DPP10: variants seen among roughly 807,000 people sequenced by gnomAD.
DPP10 encodes the protein inactive dipeptidyl peptidase 10.
In DPP10, 33 loss-of-function variants were observed where a neutral mutation model predicts 120.9. That is an observed-to-expected ratio of 0.27 (90% CI 0.21 to 0.37). The LOEUF (loss-of-function observed/expected upper bound fraction) is 0.37, where lower values mean the gene tolerates loss of function less well. DPP10 is among the 10% of genes least tolerant of loss of function. The pLI, the probability that DPP10 is intolerant of heterozygous loss-of-function variation, is 1.00. For synonymous variants in DPP10, 337 were observed against 326.1 expected, an observed-to-expected ratio of 1.03 and a Z score of -0.36; for missense variants, 816 against 942.8, an observed-to-expected ratio of 0.87 and a Z score of 1.76.
At chr2:114,512,464 T>A (rs780264196) in intron 1 of DPP10, among the ~76,000 whole-genome samples, 3 of 152,160 alleles carry the variant, frequency 2.0e-5, no homozygotes, top group Non-Finnish European at 2.9e-5. Context: ...TTAGAGAGCC[T>A]AGTGTGGTTC....
chr2:114,942,362 CAT>C (rs1194523098), intron 1 of DPP10, among the ~76,000 whole-genome samples: 2 of 91,228 alleles, frequency 2.2e-5, no homozygotes, highest in Middle Eastern at 5.2e-3. Flanking sequence ...TATATATATA[CAT>C]ATATATACAC....
chr2:115,219,305 C>T (rs2057009961), intron 1 of DPP10, among the ~76,000 whole-genome samples: 1 of 152,042 alleles, frequency 6.6e-6, no homozygotes, highest in Admixed American at 6.6e-5. Flanking sequence ...ATTTATTTCC[C>T]TGCTATTCAT....
intron 1 of DPP10, among the ~76,000 whole-genome samples, chr2:115,293,013 C>T (rs1264886252): frequency 6.6e-6 from 1 of 152,004 alleles, no homozygotes; most frequent in Non-Finnish European, 1.5e-5. Context: ...AGCCCTGGCA[C>T]TCAGGTTTGG....
intron 3 of DPP10, among the ~76,000 whole-genome samples, chr2:115,387,908 G>GA (rs954341790): frequency 5.3e-5 from 8 of 151,958 alleles, no homozygotes; most frequent in African/African-American, 1.2e-4. Flanking sequence ...TGTAAACAGA[G>GA]AAAAAAAAGT....
chr2:114,624,855 A>G (rs999545860), intron 1 of DPP10, among the ~76,000 whole-genome samples: 1 of 151,946 alleles, frequency 6.6e-6, no homozygotes, highest in South Asian at 2.1e-4. Flanking sequence ...TTCAACAGCC[A>G]TCAACTCACA....
intron 1 of DPP10, among the ~76,000 whole-genome samples, chr2:114,653,270 A>G (rs544812110): frequency 1.3e-5 from 2 of 152,254 alleles, no homozygotes; most frequent in East Asian, 3.9e-4. Context: ...AGAAGGCCAC[A>G]TGATGCTGGA....
rs1701866991 is a variant in DPP10 at position 115,006,658 on chromosome 2, G to T, written c.61-302581G>T. 3.3e-5 allele frequency among the ~76,000 whole-genome samples: 5 copies of T among 150,198 alleles called. No homozygotes were observed. The South Asian group carries it at 1.1e-3, about 32-fold the overall frequency. ...AATGGTAAAGGGATCAATTCAACAA[G>T]AAGAGCTAACTATCCTAAATATATA... On this transcript the variant is annotated intron_variant, in intron 1 of 25. Transcript: ENST00000410059.
At chr2:115,663,284 C>A (rs1427834579) in intron 5 of DPP10, among the ~76,000 whole-genome samples, 1 of 152,076 alleles carries the variant, frequency 6.6e-6, no homozygotes, top group Non-Finnish European at 1.5e-5. Context: ...ACTTCTTATT[C>A]TTGATGCCTA....
intron 1 of DPP10, among the ~76,000 whole-genome samples, chr2:115,191,452 A>G (rs571444437): frequency 1.3e-5 from 2 of 152,370 alleles, no homozygotes; most frequent in East Asian, 3.9e-4. Context: ...AAATCTCCAC[A>G]GGGTATAACG....
intron 1 of DPP10, among the ~76,000 whole-genome samples, chr2:115,306,155 G>A (rs1025308244): frequency 1.3e-5 from 2 of 151,972 alleles, no homozygotes; most frequent in African/African-American, 4.8e-5. Flanking sequence ...CTCAAGTAGC[G>A]GAGTTGGATT....
chr2:114,512,511 G>T (rs189638550), intron 1 of DPP10, among the ~76,000 whole-genome samples: 1 of 152,116 alleles, frequency 6.6e-6, no homozygotes, highest in Non-Finnish European at 1.5e-5. Context: ...TGGAGGTCTC[G>T]ATTTTCTCAT....
chr2:115,481,603 C>T (rs895715791), intron 3 of DPP10, among the ~76,000 whole-genome samples: 3 of 151,984 alleles, frequency 2.0e-5, no homozygotes, highest in African/African-American at 4.8e-5. Context: ...TGGTTCCGTC[C>T]AGCTCTACAA....
chr2:114,698,651 C>A (rs541855100), intron 1 of DPP10, among the ~76,000 whole-genome samples: 3 of 152,124 alleles, frequency 2.0e-5, no homozygotes, highest in Non-Finnish European at 4.4e-5. Context: ...GAGAACAAGG[C>A]TCAATCAGTC....
chr2:115,066,202 A>G (rs1706821674), intron 1 of DPP10, among the ~76,000 whole-genome samples: 1 of 152,148 alleles, frequency 6.6e-6, no homozygotes, highest in Admixed American at 6.5e-5. Context: ...TTCATTTTAT[A>G]TATATGTATG....
At chr2:115,823,152 T>G (rs1687976266) in intron 21 of DPP10, among the ~76,000 whole-genome samples, 1 of 152,122 alleles carries the variant, frequency 6.6e-6, no homozygotes, top group Admixed American at 6.6e-5. Flanking sequence ...TGTGTACTGT[T>G]TATTTACTTG....
intron 2 of DPP10, among the ~76,000 whole-genome samples, chr2:115,334,384 T>C (rs997368974): frequency 6.6e-6 from 1 of 151,590 alleles, no homozygotes; most frequent in Non-Finnish European, 1.5e-5. Context: ...TGTAGTGTAT[T>C]TGACTTTTCC....
At chr2:114,570,069 T>C (rs1216537951) in intron 1 of DPP10, among the ~76,000 whole-genome samples, 1 of 152,170 alleles carries the variant, frequency 6.6e-6, no homozygotes, top group Admixed American at 6.6e-5. Context: ...GAAAGTCTAA[T>C]GGGGGATGAG....
chr2:115,007,353 G>A (rs1701930112), intron 1 of DPP10, among the ~76,000 whole-genome samples: 1 of 152,148 alleles, frequency 6.6e-6, no homozygotes, highest in Admixed American at 6.5e-5. Flanking sequence ...ATGCAGAAAA[G>A]GCCTTTGACA....
chr2:115,463,220 G>T (rs992194378), intron 3 of DPP10, among the ~76,000 whole-genome samples: 6 of 152,106 alleles, frequency 3.9e-5, no homozygotes, highest in Non-Finnish European at 7.3e-5. Flanking sequence ...TACTTTGTAA[G>T]TTCTTTGCAG....
Sources: allele counts gnomAD v4.1 joint callset (sites outside exome capture counted in the v4.1 genomes callset), GRCh38; gene constraint gnomAD v4.1.1; transcripts MANE v1.5; gene names NCBI Gene and HGNC (gene_info 2026-07-23, HGNC 2026-07-21).